Variants in SPMIP8 observed in about 807,000 individuals in gnomAD.
SPMIP8 encodes sperm microtubule inner protein 8, also known as testicular tissue protein Li 196.
chr16:57,987,253 C>A, the SPMIP8 span: 1 of 788,550 alleles, frequency 1.3e-6, no homozygotes, highest in Non-Finnish European at 1.8e-6. Context: ...GCTGAAAATA[C>A]AGAAAACAGG....
chr16:57,979,417 C>T, the SPMIP8 span, among the ~76,000 whole-genome samples: 7 of 152,310 alleles, frequency 4.6e-5, no homozygotes, highest in African/African-American at 1.2e-4. Flanking sequence ...ACGGCAGCCA[C>T]GGGGTTCCCC....
chr16:57,986,132 T>C, the SPMIP8 span: 1 of 612,060 alleles, frequency 1.6e-6, no homozygotes, highest in Non-Finnish European at 2.5e-6. Context: ...TGCAGCCCAC[T>C]GGGGTGGGGG....
At chr16:57,985,851 G>C in the SPMIP8 span, 7 of 1,560,854 alleles carry the variant, frequency 4.5e-6, no homozygotes, top group Admixed American at 1.9e-5. Context: ...GTCGAGTGAG[G>C]CGCCCAGAGA....
chr16:57,984,230 G>T, the SPMIP8 span: 2 of 1,526,646 alleles, frequency 1.3e-6, no homozygotes, highest in East Asian at 4.5e-5. Flanking sequence ...GTACAGTGTG[G>T]GCCAAAGTTC....
chr16:57,987,287 A>G, the SPMIP8 span: 1 of 1,181,482 alleles, frequency 8.5e-7, no homozygotes, highest in Non-Finnish European at 1.1e-6. Context: ...CTCCTGAGCC[A>G]CATAGAGGCT....
the SPMIP8 span, among the ~76,000 whole-genome samples, chr16:57,977,407 CAAA>C: frequency 6.2e-3 from 615 of 99,806 alleles, 11 homozygotes; most frequent in Admixed American, 0.026. Flanking sequence ...GAGACTGTCT[CAAA>C]AAAAAAAAAA....
At chr16:57,985,081 C>A in the SPMIP8 span, 1 of 1,184,468 alleles carries the variant, frequency 8.4e-7, no homozygotes, top group Non-Finnish European at 1.1e-6. Flanking sequence ...GACCTGTTCT[C>A]CGTACACGTG....
chr16:57,976,695 C>A, the SPMIP8 span: 2 of 1,592,694 alleles, frequency 1.3e-6, no homozygotes, highest in Non-Finnish European at 1.7e-6. Context: ...CCTCCCTGTC[C>A]CTCCCCAGGC....
At chr16:57,981,395 T>TATTATAATAATAATAATAATA in the SPMIP8 span, among the ~76,000 whole-genome samples, 157 of 127,788 alleles carry the variant, frequency 1.2e-3, 1 homozygote, top group African/African-American at 4.1e-3. Context: ...TAATAATAAT[T>TATTATAATAATAATAATAATA]ATTATTATTA....
chr16:57,985,900 C>T, the SPMIP8 span: 1 of 1,611,812 alleles, frequency 6.2e-7, no homozygotes, highest in Non-Finnish European at 8.5e-7. Context: ...CCGCCCCGTT[C>T]TTTCCCAGGA....
the SPMIP8 span, among the ~76,000 whole-genome samples, chr16:57,983,756 C>T: frequency 9.2e-5 from 14 of 152,180 alleles, no homozygotes; most frequent in Middle Eastern, 3.4e-3. Context: ...GGACTACAGT[C>T]GCGTGCCACC....
chr16:57,986,163 C>T, the SPMIP8 span: 457 of 479,446 alleles, frequency 9.5e-4, 6 homozygotes, highest in African/African-American at 8.2e-3. Flanking sequence ...AGGGGGTCCA[C>T]ATCCCACCAG....
At chr16:57,980,710 T>C in the SPMIP8 span, among the ~76,000 whole-genome samples, 2 of 152,240 alleles carry the variant, frequency 1.3e-5, no homozygotes, top group African/African-American at 4.8e-5. Flanking sequence ...TGTTTTGTTT[T>C]TTTAGACAGA....
chr16:57,984,435 C>A, the SPMIP8 span: 3 of 1,585,744 alleles, frequency 1.9e-6, no homozygotes, highest in Admixed American at 3.3e-5. Flanking sequence ...GTCCTGGGAT[C>A]TACACCCCGC....
At chr16:57,978,012 T>A in the SPMIP8 span, 1 of 1,614,052 alleles carries the variant, frequency 6.2e-7, no homozygotes, top group Non-Finnish European at 8.5e-7. Flanking sequence ...TGATGAGCAC[T>A]GCCAGTCCAC....
the SPMIP8 span, among the ~76,000 whole-genome samples, chr16:57,981,149 G>C: frequency 6.6e-6 from 1 of 151,986 alleles, no homozygotes; most frequent in Admixed American, 6.6e-5. Context: ...GGGGGGCCAA[G>C]GCAAGTGGAT....
the SPMIP8 span, chr16:57,985,352 G>C: frequency 6.3e-7 from 1 of 1,576,504 alleles, no homozygotes; most frequent in Non-Finnish European, 8.6e-7. Flanking sequence ...GTTGAGGGGG[G>C]AGGAGACCCA....
At chr16:57,981,392 AATT>A in the SPMIP8 span, among the ~76,000 whole-genome samples, 518 of 83,574 alleles carry the variant, frequency 6.2e-3, 5 homozygotes, top group African/African-American at 0.018. Context: ...TAATAATAAT[AATT>A]ATTATTATTA....
At chr16:57,981,407 A>ATTATTATTATT in the SPMIP8 span, among the ~76,000 whole-genome samples, 1 of 56,394 alleles carries the variant, frequency 1.8e-5, no homozygotes, top group Non-Finnish European at 6.5e-5. Context: ...TTATTATTAT[A>ATTATTATTATT]ATAATAATTA....
Sources: allele counts gnomAD v4.1 joint callset (sites outside exome capture counted in the v4.1 genomes callset), GRCh38; gene constraint gnomAD v4.1.1; transcripts MANE v1.5; gene names NCBI Gene and HGNC (gene_info 2026-07-23, HGNC 2026-07-21).